The following ATE1 variants were observed in gnomAD, a reference collection of about 807,000 sequenced individuals.
ATE1 encodes the protein arginyltransferase 1, also known as arginyl-tRNA--protein transferase 1.
A neutral mutation model predicts 70.5 loss-of-function variants in ATE1; 36 were observed. The ratio of observed to expected loss-of-function variants is 0.51; its 90% CI spans 0.39 to 0.67. The LOEUF (loss-of-function observed/expected upper bound fraction) is 0.67. Among genes scored for constraint, ATE1 ranks in the 30% least tolerant of loss-of-function variants. The probability of loss-of-function intolerance (pLI) is 0.00; values close to 1 mark genes in which losing one functional copy is unlikely to be tolerated. For synonymous variants in ATE1, 232 were observed against 219.3 expected (o/e 1.06, Z -0.51); for missense variants, 593 against 629.5 (o/e 0.94, Z 0.62).
At chr10:121,876,988 G>T (rs1366978823) in intron 7 of ATE1, among the ~76,000 whole-genome samples, 4 of 151,378 alleles carry the variant, frequency 2.6e-5, no homozygotes, top group Non-Finnish European at 4.4e-5. Context: ...AAAAAATTGT[G>T]TTGCTTTCCA....
intron 11 of ATE1, among the ~76,000 whole-genome samples, chr10:121,788,571 T>G (rs1441621836): frequency 6.6e-6 from 1 of 152,248 alleles, no homozygotes; most frequent in Non-Finnish European, 1.5e-5. Flanking sequence ...AATGCACATC[T>G]TAGAACTGAA....
chr10:121,838,854 TTAAAAAAA>T (rs1590443121), intron 9 of ATE1, among the ~76,000 whole-genome samples: 1 of 151,660 alleles, frequency 6.6e-6, no homozygotes, highest in Non-Finnish European at 1.5e-5. Context: ...CAAAAATGAA[TTAAAAAAA>T]TAAAAAAATA....
intron 7 of ATE1, chr10:121,898,949 G>C (rs1206201379): frequency 6.2e-7 from 1 of 1,613,606 alleles, no homozygotes; most frequent in African/African-American, 1.3e-5. Context: ...GGTCCTCAAA[G>C]GAGACAGGTA....
At chr10:121,753,744 GTTTATC>G (rs1236708549) in intron 11 of ATE1, among the ~76,000 whole-genome samples, 3 of 152,102 alleles carry the variant, frequency 2.0e-5, no homozygotes, top group Non-Finnish European at 4.4e-5. Flanking sequence ...CTATTTCACC[GTTTATC>G]TTTATCCTAA....
chr10:121,780,940 C>T (rs1945961108), intron 11 of ATE1, among the ~76,000 whole-genome samples: 1 of 152,160 alleles, frequency 6.6e-6, no homozygotes, highest in African/African-American at 2.4e-5. Flanking sequence ...AGGACTGGCA[C>T]CTCCCATTAG....
rs115415361 is a variant in ATE1 at position 121,889,102 on chromosome 10, G to A, written c.942+10764C>T. On this transcript the variant is annotated intron_variant, in intron 7 of 11. Coordinates refer to ENST00000224652, the MANE Select transcript of ATE1 (RefSeq NM_001001976.3). ...CATCTCAGCTCACGGCAACCTCTGC[G>A]TCCTGGGTTTAAGCGATTTTCCCGC... Among the ~76,000 whole-genome samples, 900 of 152,100 alleles carry A rather than the reference G, an allele frequency of 5.9e-3. 10 individuals carry two copies. The highest frequency in any genetic ancestry group is 0.02 in the African/African-American group (844 of 41,482).
chr10:121,831,731 A>G (rs1309895541), intron 10 of ATE1, among the ~76,000 whole-genome samples: 3 of 152,242 alleles, frequency 2.0e-5, no homozygotes, highest in African/African-American at 7.2e-5. Flanking sequence ...AGAAATTCCC[A>G]CATGGCAACA....
At chr10:121,831,060 A>T (rs1206128884) in intron 10 of ATE1, among the ~76,000 whole-genome samples, 2 of 152,140 alleles carry the variant, frequency 1.3e-5, no homozygotes, top group Non-Finnish European at 2.9e-5. Flanking sequence ...AGTTATTCTT[A>T]ATACTTCCAA....
intron 10 of ATE1, among the ~76,000 whole-genome samples, chr10:121,827,123 C>T (rs532387480): frequency 1.3e-5 from 2 of 152,114 alleles, no homozygotes; most frequent in Admixed American, 1.3e-4. Context: ...AAGCAATTCT[C>T]CTGCCTCGGC....
chr10:121,927,982 C>G lies in ATE1; in HGVS notation c.-33G>C, dbSNP rs1952174571. On this transcript the variant is annotated 5_prime_UTR_variant, in exon 1 of 12. Transcript: ENST00000224652. ...GCCCCGCGAACGCTCAGCCGCCCGG[C>G]CCCGCGTCGCTAGCGCGGCCGCCGC... The G allele has an allele frequency of 6.9e-7, 1 of 1,458,776 alleles. No homozygotes were observed. Among genetic ancestry groups the G allele is most frequent in the Non-Finnish European group, 9.1e-7 (1 of 1,102,718 alleles). The allele number at this position is 1,458,776 out of a possible 1,614,324, so 90.4% of individuals were successfully genotyped here. A position where few individuals can be genotyped will look rare whatever the true frequency, so the allele number is the denominator to read the frequency against.
intron 4 of ATE1, among the ~76,000 whole-genome samples, chr10:121,912,238 T>C (rs1049995848): frequency 1.3e-5 from 2 of 152,204 alleles, no homozygotes; most frequent in Non-Finnish European, 2.9e-5. Context: ...CATTTTGGTA[T>C]CTTTTTGTCA....
At chr10:121,846,371 G>C (rs1196829514) in intron 8 of ATE1, among the ~76,000 whole-genome samples, 1 of 152,162 alleles carries the variant, frequency 6.6e-6, no homozygotes, top group Non-Finnish European at 1.5e-5. Flanking sequence ...AAGAATTCCA[G>C]ACAGTTTATG....
chr10:121,761,442 TTTAAA>T (rs1450145289), intron 11 of ATE1, among the ~76,000 whole-genome samples: 2 of 142,056 alleles, frequency 1.4e-5, no homozygotes, highest in East Asian at 4.1e-4. Flanking sequence ...ATAAAGCACT[TTTAAA>T]TTAAGCTATG....
At chr10:121,884,621 A>C (rs36121712) in intron 7 of ATE1, among the ~76,000 whole-genome samples, 42,353 of 151,960 alleles carry the variant, frequency 0.28, 6,728 homozygotes, top group South Asian at 0.43. Flanking sequence ...AAGGGAAAAG[A>C]GTGGAAGGGA....
intron 11 of ATE1, 123 bp downstream of exon 11, chr10:121,790,044 ACT>A: frequency 7.3e-7 from 1 of 1,360,564 alleles, no homozygotes; most frequent in Non-Finnish European, 1.0e-6. Flanking sequence ...ACACACACAC[ACT>A]CATGCACAGC....
chr10:121,820,307 T>C (rs1045519978), intron 10 of ATE1, among the ~76,000 whole-genome samples: 1 of 152,192 alleles, frequency 6.6e-6, no homozygotes, highest in Non-Finnish European at 1.5e-5. Flanking sequence ...GAACGTCTTT[T>C]TGAAGCATGC....
Position 121,741,100 on chromosome 10 carries a change from G to A in ATE1, c.*2580C>T, listed in dbSNP as rs1251748236. 2 of 152,164 alleles carry A rather than the reference G, an allele frequency of 1.3e-5. No individual in the cohort carries two copies. The highest frequency in any genetic ancestry group is 2.4e-5 in the African/African-American group (1 of 41,434). The allele number at this position is 152,164 out of a possible 1,614,324, so 9.4% of individuals were successfully genotyped here. On this transcript the variant is annotated 3_prime_UTR_variant, in exon 12 of 12. Coordinates refer to ENST00000224652, the MANE Select transcript of ATE1 (RefSeq NM_001001976.3). The stretch of plus-strand genomic sequence containing the variant: ...TTGCAAATGCAAAGCTTCCTGCCTT[G>A]GAAAGATATAAACTGTCTTTGAAAA...
At chr10:121,911,460 AC>A (rs748483373) in intron 4 of ATE1, among the ~76,000 whole-genome samples, 102 of 149,262 alleles carry the variant, frequency 6.8e-4, no homozygotes, top group Non-Finnish European at 1.2e-3. Flanking sequence ...AAAAAAAAAA[AC>A]AAAAACTGTG....
chr10:121,905,430 T>C (rs1439181254), intron 5 of ATE1, among the ~76,000 whole-genome samples: 1 of 152,202 alleles, frequency 6.6e-6, no homozygotes, highest in Non-Finnish European at 1.5e-5. Flanking sequence ...ATTTTCAGCA[T>C]TTTTATGAAG....
Sources: gnomAD v4.1 joint callset for allele counts (sites outside exome capture counted in the v4.1 genomes callset) on GRCh38, gnomAD v4.1.1 for gene constraint, MANE v1.5 for transcripts, NCBI Gene and HGNC (gene_info 2026-07-23, HGNC 2026-07-21) for gene names.